ILKAP: variants seen among roughly 807,000 people sequenced by gnomAD.
ILKAP encodes ILK associated serine/threonine phosphatase.
Under a neutral mutation model 49.1 loss-of-function variants are expected in ILKAP, and 11 were observed. The ratio of observed to expected loss-of-function variants is 0.22; its 90% CI spans 0.14 to 0.37. The LOEUF is 0.37. Among genes scored for constraint, ILKAP ranks in the 10% least tolerant of loss-of-function variants. The pLI is 1.00. For missense variants in ILKAP, 363 were observed against 510.8 expected (o/e 0.71, Z 2.79); for synonymous variants, 186 against 192.8 (o/e 0.96, Z 0.29).
chr2:238,176,367 G>A (rs1328908052), intron 9 of ILKAP, among the ~76,000 whole-genome samples: 13 of 151,980 alleles, frequency 8.6e-5, no homozygotes, highest in African/African-American at 2.7e-4. Flanking sequence ...TCCTGACCTC[G>A]TGATCCACCC....
intron 1 of ILKAP, among the ~76,000 whole-genome samples, chr2:238,199,600 G>A (rs1327141706): frequency 1.3e-5 from 2 of 151,762 alleles, no homozygotes; most frequent in Admixed American, 1.3e-4. Flanking sequence ...CCTTAGTAAT[G>A]TATATTGCAA....
intron 5 of ILKAP, chr2:238,186,522 T>C (rs949069362): frequency 3.3e-5 from 5 of 152,174 alleles, no homozygotes; most frequent in African/African-American, 9.7e-5. Flanking sequence ...CATCACTGAC[T>C]TGATGTTGTT....
At chr2:238,189,619 G>C (rs933433148) in intron 4 of ILKAP, 5 of 318,518 alleles carry the variant, frequency 1.6e-5, no homozygotes, top group African/African-American at 8.8e-5. Flanking sequence ...TTTAACTCTT[G>C]AGGAACAAAT....
chr2:238,173,850 G>A (rs1559287869), intron 9 of ILKAP, 197 bp from the exon 10 acceptor site: 1 of 660,720 alleles, frequency 1.5e-6, no homozygotes, highest in African/African-American at 1.8e-5. Flanking sequence ...CCTGGGGTAG[G>A]GACCCTGCCC....
intron 10 of ILKAP, among the ~76,000 whole-genome samples, chr2:238,172,127 C>A (rs1169766025): frequency 6.6e-6 from 1 of 152,170 alleles, no homozygotes; most frequent in Non-Finnish European, 1.5e-5. Context: ...ATCTCGCTCA[C>A]TGTAACCTCC....
chr2:238,185,591 CAG>C, intron 5 of ILKAP: 2 of 261,812 alleles, frequency 7.6e-6, no homozygotes, highest in Non-Finnish European at 7.6e-6. Flanking sequence ...ATCACGAGAT[CAG>C]GAGATCAAGA....
intron 9 of ILKAP, among the ~76,000 whole-genome samples, chr2:238,175,983 C>T (rs1647839160): frequency 6.6e-6 from 1 of 152,124 alleles, no homozygotes; most frequent in African/African-American, 2.4e-5. Context: ...GTCTGCGCTA[C>T]TCTAGACACA....
At chr2:238,190,547 G>A (rs769854143) in intron 3 of ILKAP, among the ~76,000 whole-genome samples, 1 of 152,162 alleles carries the variant, frequency 6.6e-6, no homozygotes, top group African/African-American at 2.4e-5. Context: ...TTTCAAAGAG[G>A]TGTGCAACTT....
chr2:238,172,699 G>A (rs145240233), intron 10 of ILKAP, among the ~76,000 whole-genome samples: 22 of 152,334 alleles, frequency 1.4e-4, no homozygotes, highest in South Asian at 4.1e-4. Context: ...AGCAAGGCAC[G>A]CGCTCTTCAT....
At chr2:238,202,899 A>C (rs898971245) in intron 1 of ILKAP, among the ~76,000 whole-genome samples, 2 of 151,942 alleles carry the variant, frequency 1.3e-5, no homozygotes, top group African/African-American at 4.8e-5. Flanking sequence ...AAAAAAAAAA[A>C]AAAACTACTG....
At chr2:238,199,827 C>A (rs1266134646) in intron 1 of ILKAP, among the ~76,000 whole-genome samples, 2 of 151,392 alleles carry the variant, frequency 1.3e-5, no homozygotes, top group African/African-American at 4.9e-5. Flanking sequence ...TTGTGCCAGG[C>A]TCTTCTCAAA....
chr2:238,175,263 T>TA lies in ILKAP; in HGVS notation c.837-1611dup, dbSNP rs1288852532. On this transcript the variant is annotated intron_variant, in intron 9 of 11. Transcript: ENST00000254654. ...ACAGGTGTCACCAAGTCCAGGTAAA[T>TA]AAAAAAAAAATTTTTTTTGTACAGA... Among the ~76,000 whole-genome samples the TA allele has an allele frequency of 3.7e-4, 55 of 150,410 alleles. 1 individual carries two copies. The highest frequency in any genetic ancestry group is 1.3e-3 in the African/African-American group (52 of 40,904).
At chr2:238,190,310 CACTT>C (rs1470702613) in intron 3 of ILKAP, among the ~76,000 whole-genome samples, 1 of 152,092 alleles carries the variant, frequency 6.6e-6, no homozygotes, top group African/African-American at 2.4e-5. Flanking sequence ...GTTAAACAAA[CACTT>C]ACAAAATCTG....
At chr2:238,202,354 C>G (rs1694605112) in intron 1 of ILKAP, among the ~76,000 whole-genome samples, 1 of 152,198 alleles carries the variant, frequency 6.6e-6, no homozygotes, top group Admixed American at 6.5e-5. Context: ...CCTCAAGAGT[C>G]CTCAGCATTT....
intron 9 of ILKAP, among the ~76,000 whole-genome samples, chr2:238,180,841 G>T (rs115219475): frequency 6.6e-6 from 1 of 152,358 alleles, no homozygotes; most frequent in Non-Finnish European, 1.5e-5. Context: ...TTTTCAAGGA[G>T]TTCAGGCAAA....
At chr2:238,178,276 G>C (rs952704741) in intron 9 of ILKAP, among the ~76,000 whole-genome samples, 6 of 152,184 alleles carry the variant, frequency 3.9e-5, no homozygotes, top group Non-Finnish European at 5.9e-5. Context: ...AGAACTCCTA[G>C]ACTCAAGTGA....
rs558606071 is a variant in ILKAP at position 238,192,543 on chromosome 2, C to CA, written c.178+1731dup. On this transcript the variant is annotated intron_variant, in intron 3 of 11. Transcript: ENST00000254654. ...TGAAACCCCATCTCTACTAAAAATA[C>CA]AAAAAAATTAGGTGGGCGTGGTGGC... 7.8e-4 allele frequency among the ~76,000 whole-genome samples: 119 copies of CA among 151,762 alleles called. 2 individuals carry two copies. The South Asian group carries it at 0.021, about 27-fold the overall frequency.
intron 3 of ILKAP, among the ~76,000 whole-genome samples, chr2:238,190,807 T>C (rs1048697749): frequency 2.1e-5 from 3 of 141,726 alleles, no homozygotes; most frequent in Non-Finnish European, 4.5e-5. Flanking sequence ...TTCTGGAGAC[T>C]GAGGCAGAAG....
At chr2:238,180,085 C>T (rs775764407) in intron 9 of ILKAP, among the ~76,000 whole-genome samples, 5 of 151,772 alleles carry the variant, frequency 3.3e-5, no homozygotes, top group Admixed American at 6.6e-5. Context: ...GCTGGAGGAT[C>T]GCTTCAACCT....
Sources: gnomAD v4.1 joint callset for allele counts (sites outside exome capture counted in the v4.1 genomes callset) on GRCh38, gnomAD v4.1.1 for gene constraint, MANE v1.5 for transcripts, NCBI Gene and HGNC (gene_info 2026-07-23, HGNC 2026-07-21) for gene names.